The following WNT7B variants were observed in gnomAD, a reference collection of about 807,000 sequenced individuals.
WNT7B encodes Wnt family member 7B.
WNT7B carries 19 observed loss-of-function variants against 38.2 expected under a neutral mutation model. The ratio of observed to expected loss-of-function variants is 0.50; its 90% confidence interval spans 0.35 to 0.73. The LOEUF is 0.73. Among genes scored for constraint, WNT7B ranks in the 30% least tolerant of loss-of-function variants. WNT7B has a pLI of 0.01. For synonymous variants in WNT7B, 243 were observed against 209.3 expected, an observed-to-expected ratio of 1.16 and a Z score of -1.39; for missense variants, 423 against 507.9, an observed-to-expected ratio of 0.83 and a Z score of 1.61.
chr22:45,958,757 C>A (rs1932129803), intron 1 of WNT7B, among the ~76,000 whole-genome samples: 1 of 152,196 alleles, frequency 6.6e-6, no homozygotes, highest in South Asian at 2.1e-4. Context: ...CTGGGACATA[C>A]CCCATTCCTG....
chr22:45,957,266 G>A (rs1354200709), intron 1 of WNT7B, among the ~76,000 whole-genome samples: 2 of 152,058 alleles, frequency 1.3e-5, no homozygotes, highest in African/African-American at 4.8e-5. Context: ...GTCCACTTGA[G>A]ATTTCTGTGC....
intron 2 of WNT7B, among the ~76,000 whole-genome samples, chr22:45,932,902 C>T (rs1027189382): frequency 3.5e-4 from 54 of 152,364 alleles, no homozygotes; most frequent in African/African-American, 1.1e-3. Flanking sequence ...TTGCCCACTG[C>T]TGTGCCTGTT....
intron 1 of WNT7B, chr22:45,972,116 G>GGCCCCC: frequency 2.3e-5 from 12 of 530,732 alleles, no homozygotes; most frequent in South Asian, 4.6e-5. Flanking sequence ...CCCGGGGGGA[G>GGCCCCC]CCCACCCGCC....
chr22:45,949,893 G>T (rs752026302), intron 2 of WNT7B, 27 bp downstream of exon 2: 1 of 1,591,966 alleles, frequency 6.3e-7, no homozygotes, highest in South Asian at 1.1e-5. Context: ...CAATGGCTGG[G>T]CCCCTTGAGC....
Position 45,951,242 on chromosome 22 carries a change from A to G in WNT7B, c.72-1096T>C, listed in dbSNP as rs1931926110. Among the ~76,000 whole-genome samples, 1 of 151,898 alleles carries G rather than the reference A, an allele frequency of 6.6e-6. No individual in the cohort carries two copies. The highest frequency in any genetic ancestry group is 2.1e-4 in the South Asian group (1 of 4,804). ...CAGTTGCCCACCACCACACCCGGCT[A>G]ATTTTTGTATTTTTAGTAGAGACAG... On this transcript the variant is annotated intron_variant, in intron 1 of 3. Transcript: ENST00000339464. This position sits in a 1 kb window ranked among gnomAD's most constrained non-coding sequence, Gnocchi z 4.8.
At chr22:45,929,276 C>G (rs1249312921) in intron 3 of WNT7B, among the ~76,000 whole-genome samples, 2 of 152,210 alleles carry the variant, frequency 1.3e-5, no homozygotes, top group Non-Finnish European at 2.9e-5. Flanking sequence ...GGACTGTGAT[C>G]TGCCTGTACC....
At chr22:45,954,517 C>T (rs1932016170) in intron 1 of WNT7B, among the ~76,000 whole-genome samples, 1 of 152,162 alleles carries the variant, frequency 6.6e-6, no homozygotes, top group Non-Finnish European at 1.5e-5. Flanking sequence ...AGAGGCCCAC[C>T]CAGCCGACGC....
intron 2 of WNT7B, among the ~76,000 whole-genome samples, chr22:45,939,670 C>CACAA (rs1417517350): frequency 3.3e-5 from 5 of 151,606 alleles, no homozygotes; most frequent in South Asian, 2.1e-4. Flanking sequence ...CACACACACA[C>CACAA]AAAAATAGCC....
At chr22:45,930,476 C>A (rs1159917224) in intron 3 of WNT7B, among the ~76,000 whole-genome samples, 3 of 152,232 alleles carry the variant, frequency 2.0e-5, no homozygotes, top group Non-Finnish European at 4.4e-5. Flanking sequence ...CCTCCCAGCC[C>A]AGTATCTGGG....
In WNT7B at chr22:45,966,441, A is replaced by G. The variant is rs1388466848; in HGVS notation, c.71+10243T>C. Among the ~76,000 whole-genome samples, 2 of 152,170 alleles carry G rather than the reference A, an allele frequency of 1.3e-5. No homozygotes were observed. The highest frequency in any genetic ancestry group is 4.8e-5 in the African/African-American group (2 of 41,446). On this transcript the variant is annotated intron_variant, in intron 1 of 3. Transcript: ENST00000339464. The surrounding 1 kb of genome is among the most constrained non-coding windows in gnomAD (Gnocchi z 4.2). The stretch of plus-strand genomic sequence containing the variant: ...GGCCCATTCAGAGCTCCAACAGGGC[A>G]CGGAAGGGTTGGAGCAGGGATCACA...
At chr22:45,969,676 C>T (rs1413290992) in intron 1 of WNT7B, among the ~76,000 whole-genome samples, 1 of 152,208 alleles carries the variant, frequency 6.6e-6, no homozygotes, top group Non-Finnish European at 1.5e-5. Flanking sequence ...CCCAGGCATG[C>T]GTCTGGGATT....
At chr22:45,947,078 A>G (rs989232903) in intron 2 of WNT7B, among the ~76,000 whole-genome samples, 2 of 152,172 alleles carry the variant, frequency 1.3e-5, no homozygotes, top group African/African-American at 4.8e-5. Flanking sequence ...GGCCTCCCTG[A>G]TCAGCCCCTC....
intron 2 of WNT7B, among the ~76,000 whole-genome samples, chr22:45,932,176 G>GC (rs1931384567): frequency 6.6e-6 from 1 of 152,196 alleles, no homozygotes; most frequent in Non-Finnish European, 1.5e-5. Flanking sequence ...CCCTCTGCCG[G>GC]TAGAGCCAAG....
intron 2 of WNT7B, among the ~76,000 whole-genome samples, chr22:45,943,026 TGTGTGTGCGC>T (rs746460912): frequency 6.8e-6 from 1 of 146,706 alleles, no homozygotes; most frequent in African/African-American, 2.5e-5. Flanking sequence ...TGCATGTGTA[TGTGTGTGCGC>T]GTGTGTGCAG....
At chr22:45,931,022 G>A (rs1931332369) in intron 3 of WNT7B, 76 bp downstream of exon 3, 2 of 1,471,772 alleles carry the variant, frequency 1.4e-6, no homozygotes, top group Middle Eastern at 2.5e-4. Context: ...TAGAAGAGGA[G>A]CCTGAGGCTC....
chr22:45,976,818 G>A lies in WNT7B; in HGVS notation c.-64C>T. 6.7e-7 allele frequency: 1 copy of A among 1,495,710 alleles called. No individual in the cohort carries two copies. The highest frequency in any genetic ancestry group is 9.0e-7 in the Non-Finnish European group (1 of 1,111,472). The allele number at this position is 1,495,710 out of a possible 1,614,324, so 92.7% of individuals were successfully genotyped here. A position where few individuals can be genotyped will look rare whatever the true frequency, so the allele number is the denominator to read the frequency against. On this transcript the variant is annotated 5_prime_UTR_variant, in exon 1 of 4. Transcript: ENST00000339464. This position sits in a 1 kb window ranked among gnomAD's most constrained non-coding sequence, Gnocchi z 8.5. Reference sequence around the variant, plus strand: ...CGGAGGGGACGCGCGGGCCCGGCAGGGCCGGGCAGGGGCCAGGGGGCTGCG... The same window carrying A: ...CGGAGGGGACGCGCGGGCCCGGCAGAGCCGGGCAGGGGCCAGGGGGCTGCG...
At chr22:45,969,120 T>G (rs1044957362) in intron 1 of WNT7B, among the ~76,000 whole-genome samples, 5 of 152,216 alleles carry the variant, frequency 3.3e-5, no homozygotes, top group Non-Finnish European at 7.4e-5. Flanking sequence ...CCACAGCACT[T>G]CTGGGACTGT....
chr22:45,946,651 G>A (rs1335114821), intron 2 of WNT7B, among the ~76,000 whole-genome samples: 1 of 152,182 alleles, frequency 6.6e-6, no homozygotes, highest in Non-Finnish European at 1.5e-5. Flanking sequence ...GTGGAGGGGG[G>A]CCTAGTGTGA....
rs1237263139 is a variant in WNT7B at position 45,957,254 on chromosome 22, G to C, written c.72-7108C>G. On this transcript the variant is annotated intron_variant, in intron 1 of 3. Coordinates refer to ENST00000339464, the MANE Select transcript of WNT7B (RefSeq NM_058238.3). Reference sequence around the variant, plus strand: ...CACATGTATGTAAAAATGCATCAAGGTGTCCACTTGAGATTTCTGTGCTTT... The same window carrying C: ...CACATGTATGTAAAAATGCATCAAGCTGTCCACTTGAGATTTCTGTGCTTT... Among the ~76,000 whole-genome samples the C allele has an allele frequency of 3.8e-5, 5 of 129,956 alleles. No homozygotes were observed. The East Asian group carries it at 1.5e-3, about 38-fold the overall frequency. 85.3% of individuals were successfully genotyped at this position (129,956 alleles called of 152,430 possible).
Sources: allele counts gnomAD v4.1 joint callset (sites outside exome capture counted in the v4.1 genomes callset), GRCh38; gene constraint gnomAD v4.1.1; non-coding constraint Gnocchi (gnomAD v3.1); transcripts MANE v1.5; gene names NCBI Gene and HGNC (gene_info 2026-07-23, HGNC 2026-07-21).